MBTPS1: variants seen among roughly 807,000 people sequenced by gnomAD.
MBTPS1 encodes membrane bound transcription factor peptidase, site 1.
In MBTPS1, 94 loss-of-function variants were observed where a neutral mutation model predicts 127.8. That is an observed-to-expected ratio of 0.74 (90% CI 0.62 to 0.87). The LOEUF (loss-of-function observed/expected upper bound fraction) is 0.87, where lower values mean the gene tolerates loss of function less well. MBTPS1 is among the 40% of genes least tolerant of loss of function. MBTPS1 has a pLI of 0.00. For synonymous variants in MBTPS1, 632 were observed against 509.4 expected, an observed-to-expected ratio of 1.24 and a Z score of -3.24; for missense variants, 1,636 against 1,353.2, an observed-to-expected ratio of 1.21 and a Z score of -3.28.
intron 1 of MBTPS1, among the ~76,000 whole-genome samples, chr16:84,115,003 A>G (rs1022480131): frequency 4.0e-5 from 6 of 151,616 alleles, no homozygotes; most frequent in Non-Finnish European, 8.8e-5. Flanking sequence ...ATCTTGGCTC[A>G]CTACAACCTC....
intron 14 of MBTPS1, 37 bp from the exon 15 acceptor site, chr16:84,068,491 T>A (rs1164830268): frequency 1.4e-6 from 2 of 1,421,676 alleles, no homozygotes; most frequent in African/African-American, 1.4e-5. Flanking sequence ...AAATGATCGA[T>A]CTTTACTGGC....
At chr16:84,097,500 C>T (rs1236888267) in intron 3 of MBTPS1, among the ~76,000 whole-genome samples, 1 of 152,170 alleles carries the variant, frequency 6.6e-6, no homozygotes, top group Non-Finnish European at 1.5e-5. Context: ...GTGTCAGGCA[C>T]CCGGAACACA....
chr16:84,096,962 T>C (rs1460912622), intron 3 of MBTPS1, among the ~76,000 whole-genome samples: 1 of 152,138 alleles, frequency 6.6e-6, no homozygotes, highest in Non-Finnish European at 1.5e-5. Context: ...TTAGAAAAAT[T>C]AGTACATTCA....
chr16:84,106,734 G>T (rs187796708), intron 1 of MBTPS1, among the ~76,000 whole-genome samples: 1 of 152,208 alleles, frequency 6.6e-6, no homozygotes, highest in Admixed American at 6.5e-5. Flanking sequence ...GGTGTGGAAG[G>T]GGGCACAGGC....
At chr16:84,060,908 A>C in intron 19 of MBTPS1, 95 bp from the exon 20 acceptor site, 210 of 1,241,238 alleles carry the variant, frequency 1.7e-4, no homozygotes, top group Middle Eastern at 2.7e-4. Flanking sequence ...ATCATAGCTC[A>C]CTGCAGCCTT....
chr16:84,089,196 A>T (rs1202701433), intron 8 of MBTPS1, among the ~76,000 whole-genome samples: 1 of 152,258 alleles, frequency 6.6e-6, no homozygotes, highest in Non-Finnish European at 1.5e-5. Flanking sequence ...TACATGGGGA[A>T]GTGGAAGATC....
chr16:84,054,632 G>C lies in MBTPS1; in HGVS notation c.2976C>G (p.Gly992=). 6.2e-7 allele frequency: 1 copy of C among 1,606,566 alleles called. No individual in the cohort carries two copies. Among genetic ancestry groups the C allele is most frequent in the African/African-American group, 1.3e-5 (1 of 74,816 alleles). Residue 992 remains glycine, a synonymous_variant, in exon 23 of 23, where the codon GGC becomes GGG. Coordinates refer to ENST00000343411, the MANE Select transcript of MBTPS1 (RefSeq NM_003791.4). Reference sequence around the variant, plus strand: ...TCTGGCCCACCTCCTGGTTGTAGCGGCCAGGCATGATCCCTGTAAGAGGAC... The same window carrying C: ...TCTGGCCCACCTCCTGGTTGTAGCGCCCAGGCATGATCCCTGTAAGAGGAC... ...AWDIPGGIMP[G]RYNQEVGQTI... is the part of the protein sequence containing the mutation.
chr16:84,078,882 T>C lies in MBTPS1; in HGVS notation c.1448+2865A>G, dbSNP rs140705472. Among the ~76,000 whole-genome samples, 5 of 152,342 alleles carry C rather than the reference T, an allele frequency of 3.3e-5. No individual in the cohort carries two copies. The South Asian group carries it at 1.0e-3, about 32-fold the overall frequency. ...ACCCAAACCTGATGTCATGGTTACC[T>C]AAGGCGTGTGCGGAAGCCTGGTAGA... On this transcript the variant is annotated intron_variant, in intron 11 of 22. Transcript: ENST00000343411.
Position 84,093,225 on chromosome 16 carries a change from G to A in MBTPS1, c.809C>T (p.Ala270Val). The change falls in exon 6 of 23, where the codon GCA becomes GTA. Residue 270 changes from alanine (A) to valine (V), a missense_variant. Coordinates refer to ENST00000343411, the MANE Select transcript of MBTPS1 (RefSeq NM_003791.4). Reference protein sequence around the residue: ...MRECQGFAPDAELHIFRVFTN... With the variant: ...MRECQGFAPDVELHIFRVFTN... Reference sequence around the variant, plus strand: ...AAAGACCCTGAAAATGTGAAGTTCTGCATCTGGAGCAAATCCTTGGCACTC... The same window carrying A: ...AAAGACCCTGAAAATGTGAAGTTCTACATCTGGAGCAAATCCTTGGCACTC... The A allele has an allele frequency of 1.9e-6, 3 of 1,613,942 alleles. No homozygotes were observed. The highest frequency in any genetic ancestry group is 2.5e-6 in the Non-Finnish European group (3 of 1,179,830).
At chr16:84,085,570 C>T (rs796471949) in intron 9 of MBTPS1, among the ~76,000 whole-genome samples, 4 of 90,386 alleles carry the variant, frequency 4.4e-5, no homozygotes, top group East Asian at 3.9e-4. Context: ...GCCCCGCACC[C>T]GCCCCCCCCC....
chr16:84,079,466 A>G (rs1483782207), intron 11 of MBTPS1, among the ~76,000 whole-genome samples: 2 of 152,212 alleles, frequency 1.3e-5, no homozygotes, highest in Non-Finnish European at 2.9e-5. Flanking sequence ...CCAAGGAAAG[A>G]ATTAACCTAA....
At chr16:84,100,062 A>G (rs116527467) in intron 2 of MBTPS1, among the ~76,000 whole-genome samples, 87 of 152,322 alleles carry the variant, frequency 5.7e-4, no homozygotes, top group African/African-American at 2.0e-3. Flanking sequence ...GAACATAAAC[A>G]TTCTGCACCT....
In MBTPS1 at chr16:84,068,214, G is replaced by T. The variant is rs1411913968; in HGVS notation, c.2071+125C>A. On this transcript the variant is annotated intron_variant, in intron 15 of 22. Transcript: ENST00000343411. ...AGCCTCGCCCCAGGCTCACCCAGCT[G>T]TGGGGCCCACGGCGCATACTCCCTT... 9.9e-6 allele frequency: 7 copies of T among 706,800 alleles called. No individual in the cohort carries two copies. In the Admixed American group the frequency reaches 1.6e-4, roughly 16 times the overall value. The allele number at this position is 706,800 out of a possible 1,614,324, so 43.8% of individuals were successfully genotyped here. A position where few individuals can be genotyped will look rare whatever the true frequency, so the allele number is the denominator to read the frequency against.
intron 14 of MBTPS1, 113 bp downstream of exon 14, chr16:84,069,753 A>G: frequency 1.0e-6 from 1 of 986,230 alleles, no homozygotes; most frequent in Non-Finnish European, 1.5e-6. Flanking sequence ...GCGTCATCAG[A>G]GTCCAGGCTC....
chr16:84,106,560 A>C (rs1012458364), intron 1 of MBTPS1, among the ~76,000 whole-genome samples: 1 of 152,192 alleles, frequency 6.6e-6, no homozygotes, highest in South Asian at 2.1e-4. Context: ...GCCAGCGGGA[A>C]GCAAGGGAAA....
Position 84,063,355 on chromosome 16 carries a change from A to G in MBTPS1, c.2522T>C (p.Ile841Thr), listed in dbSNP as rs748732082. ...GCAATTGGAGTCCCCATACAGTACA[A>G]TCCGGCCTCCACCCTCAGCTGGAAT... ...YQIPAEGGGR[I>T]VLYGDSNCLD... is the part of the protein sequence containing the mutation. The change falls in exon 19 of 23, where the codon ATT (isoleucine) becomes ACT (threonine). Residue 841 changes from isoleucine (I) to threonine (T), a missense_variant. Ile to Thr is a moderately conservative substitution (Grantham distance 89). Transcript: ENST00000343411. 3.1e-6 allele frequency: 5 copies of G among 1,614,032 alleles called. No individual in the cohort carries two copies. Among genetic ancestry groups the G allele is most frequent in the Admixed American group, 3.3e-5 (2 of 60,002 alleles).
intron 1 of MBTPS1, among the ~76,000 whole-genome samples, chr16:84,106,605 C>G (rs1246937068): frequency 2.0e-5 from 3 of 152,184 alleles, no homozygotes; most frequent in Non-Finnish European, 1.5e-5. Context: ...CGGGAGACAG[C>G]CCAGGGAAGG....
At chr16:84,056,345 C>T (rs1007145065) in intron 21 of MBTPS1, 11 of 507,658 alleles carry the variant, frequency 2.2e-5, no homozygotes, top group African/African-American at 1.9e-4. Context: ...AAATCAAGTC[C>T]CTGTTCATGA....
intron 16 of MBTPS1, 66 bp downstream of exon 16, chr16:84,067,601 G>A (rs2085704523): frequency 8.0e-7 from 1 of 1,248,418 alleles, no homozygotes; most frequent in Non-Finnish European, 1.2e-6. Context: ...CATCACTTAA[G>A]TATTTGCTGG....
Sources: allele counts gnomAD v4.1 joint callset (sites outside exome capture counted in the v4.1 genomes callset), GRCh38; gene constraint gnomAD v4.1.1; transcripts MANE v1.5; gene names NCBI Gene and HGNC (gene_info 2026-07-23, HGNC 2026-07-21).